Variants in SYNE2 observed in about 807,000 individuals in gnomAD.
SYNE2 encodes spectrin repeat containing nuclear envelope protein 2.
A neutral mutation model predicts 856.3 loss-of-function variants in SYNE2; 431 were observed. That is an observed-to-expected ratio of 0.50 (90% CI 0.47 to 0.55). The LOEUF (loss-of-function observed/expected upper bound fraction) is 0.55. Ranked by LOEUF, SYNE2 falls within the 20% of genes least tolerant of loss-of-function variation. The pLI, the probability that SYNE2 is intolerant of heterozygous loss-of-function variation, is 0.00. For synonymous variants in SYNE2, 2,923 were observed against 2,872.3 expected (o/e 1.02, Z -0.56); for missense variants, 8,129 against 8,023.2 (o/e 1.01, Z -0.50).
At chr14:63,954,995 T>C in intron 8 of SYNE2, 80 bp downstream of exon 8, 1 of 1,171,566 alleles carries the variant, frequency 8.5e-7, no homozygotes, top group Non-Finnish European at 1.3e-6. Context: ...TATACATGAA[T>C]AAACATAGTG....
At chr14:63,773,631 A>G (rs1887003476) in intron 1 of SYNE2, among the ~76,000 whole-genome samples, 1 of 152,182 alleles carries the variant, frequency 6.6e-6, no homozygotes, top group Non-Finnish European at 1.5e-5. Context: ...GTGCAATCAT[A>G]CCATGCTATA....
upstream of SYNE2, among the ~76,000 whole-genome samples, chr14:63,850,946 G>C (rs1890388644): frequency 6.6e-6 from 1 of 152,186 alleles, no homozygotes; most frequent in Non-Finnish European, 1.5e-5. Context: ...ATAGAACCGA[G>C]AAGAGAAAAA....
chr14:63,994,735 T>A (rs2096699049), intron 22 of SYNE2, among the ~76,000 whole-genome samples: 1 of 152,226 alleles, frequency 6.6e-6, no homozygotes, highest in Non-Finnish European at 1.5e-5. Flanking sequence ...ATACATTACA[T>A]TTACTTATGT....
At chr14:63,790,326 A>C (rs1384795960) in intron 1 of SYNE2, among the ~76,000 whole-genome samples, 2 of 151,762 alleles carry the variant, frequency 1.3e-5, no homozygotes, top group African/African-American at 4.8e-5. Context: ...ACAGAGCAAG[A>C]CCCTGTCTCA....
intron 10 of SYNE2, among the ~76,000 whole-genome samples, chr14:63,966,143 C>T (rs2096387705): frequency 6.6e-6 from 1 of 152,000 alleles, no homozygotes; most frequent in African/African-American, 2.4e-5. Context: ...CAGAGGTTGG[C>T]CCATTTTGTG....
intron 18 of SYNE2, among the ~76,000 whole-genome samples, chr14:63,984,328 G>A (rs1270720871): frequency 6.6e-6 from 1 of 152,198 alleles, no homozygotes; most frequent in Non-Finnish European, 1.5e-5. Context: ...CATTTCCTAG[G>A]AAAATGCTTA....
chr14:63,783,350 T>A (rs1283288215), intron 1 of SYNE2, among the ~76,000 whole-genome samples: 1 of 152,140 alleles, frequency 6.6e-6, no homozygotes, highest in African/African-American at 2.4e-5. Context: ...TCAATCCCTT[T>A]ATAAATTACC....
chr14:64,172,182 C>A (rs555579553), intron 94 of SYNE2, among the ~76,000 whole-genome samples: 1 of 152,266 alleles, frequency 6.6e-6, no homozygotes, highest in East Asian at 1.9e-4. Flanking sequence ...CTGGCTGTTC[C>A]TGATTGTAGG....
chr14:64,128,636 C>T (rs1178710198), intron 74 of SYNE2, 83 bp downstream of exon 74: 7 of 849,930 alleles, frequency 8.2e-6, no homozygotes, highest in African/African-American at 1.7e-5. Flanking sequence ...AACTACTTTC[C>T]TTTGTGAGCA....
chr14:63,965,332 G>A (rs529343074), intron 10 of SYNE2, among the ~76,000 whole-genome samples: 2 of 152,212 alleles, frequency 1.3e-5, no homozygotes, highest in African/African-American at 4.8e-5. Flanking sequence ...ATCTTGCTGA[G>A]CTTGGTATTA....
At position 64,168,911 on chromosome 14, in the gene SYNE2, T is replaced by G. The variant is rs199903950; in HGVS notation, c.16940T>G (p.Ile5647Ser). The G allele has an allele frequency of 9.9e-6, 16 of 1,614,098 alleles. No homozygotes were observed. The highest frequency in any genetic ancestry group is 1.4e-5 in the Non-Finnish European group (16 of 1,179,982). ...LEAEVSINQT[I>S]ADSYVTQSLQ... ...GCTGAAGTTTCTATAAACCAGACAATTGCTGATTCCTATGTCACCCAGTCC... is the reference window on the plus strand; with the variant it reads ...GCTGAAGTTTCTATAAACCAGACAAGTGCTGATTCCTATGTCACCCAGTCC... The change falls in exon 93 of 116, where the codon ATT becomes AGT. Residue 5647 changes from isoleucine to serine, a missense_variant. Coordinates refer to ENST00000555002, the MANE Select transcript of SYNE2 (RefSeq NM_182914.3).
At chr14:64,202,353 C>T (rs2098576821) in intron 99 of SYNE2, 7 of 698,894 alleles carry the variant, frequency 1.0e-5, no homozygotes, top group South Asian at 3.0e-5. Flanking sequence ...GTGAACCAGG[C>T]GTGTAACATC....
chr14:64,220,307 G>A (rs1397655654), intron 110 of SYNE2, 130 bp from the exon 111 acceptor site: 9 of 1,021,250 alleles, frequency 8.8e-6, no homozygotes, highest in East Asian at 2.6e-5. Flanking sequence ...AGTCCCAGGC[G>A]AGGTCACTCT....
At chr14:64,005,967 A>C (rs2096792918) in intron 30 of SYNE2, among the ~76,000 whole-genome samples, 1 of 152,226 alleles carries the variant, frequency 6.6e-6, no homozygotes, top group South Asian at 2.1e-4. Flanking sequence ...GAAAATCAAG[A>C]GACTTCTGGG....
At chr14:64,219,096 GTTTTTTTGTTTTT>G in intron 109 of SYNE2, 99 bp from the exon 110 acceptor site, 19 of 758,460 alleles carry the variant, frequency 2.5e-5, no homozygotes, top group Non-Finnish European at 3.7e-5. Flanking sequence ...ATCCCCTACA[GTTTTTTTGTTTTT>G]TTTTTTTTTT....
intron 6 of SYNE2, among the ~76,000 whole-genome samples, chr14:63,947,624 T>C (rs2096057200): frequency 6.6e-6 from 1 of 151,600 alleles, no homozygotes; most frequent in Non-Finnish European, 1.5e-5. Context: ...CCACCTGAGG[T>C]TGGGAGTTCG....
intron 50 of SYNE2, 110 bp downstream of exon 50, chr14:64,063,005 G>A (rs1312549323): frequency 7.9e-7 from 1 of 1,258,180 alleles, no homozygotes; most frequent in East Asian, 2.4e-5. Context: ...AATCTTCACA[G>A]TGAGTTAAAT....
intron 84 of SYNE2, among the ~76,000 whole-genome samples, chr14:64,147,719 A>T (rs1322508771): frequency 6.6e-6 from 1 of 152,208 alleles, no homozygotes; most frequent in Non-Finnish European, 1.5e-5. Flanking sequence ...TCTTTAGCAC[A>T]CCAACCACCG....
chr14:64,225,366 T>G lies in SYNE2; in HGVS notation c.20564T>G (p.Val6855Gly), dbSNP rs962687858. The change falls in exon 116 of 116, where the codon GTC becomes GGC. Residue 6855 changes from valine (V) to glycine (G), a missense_variant. Val to Gly is a moderately radical substitution (Grantham distance 109). This residue lies in a region of SYNE2 where 5,410 missense variants were observed against 5,284.8 expected (regional missense o/e 1.02). Coordinates refer to ENST00000555002, the MANE Select transcript of SYNE2 (RefSeq NM_182914.3). ...CAGCGCTCCTTCCTCTCAAGGGTGG[T>G]CCGGGCAGCCCTACCCCTGCAGCTG... ...RPQRSFLSRV[V>G]RAALPLQLLL... 16 of 1,614,116 alleles carry G rather than the reference T, an allele frequency of 9.9e-6. No individual in the cohort carries two copies. The highest frequency in any genetic ancestry group is 1.4e-5 in the Non-Finnish European group (16 of 1,180,016).
Sources: gnomAD v4.1 joint callset for allele counts (sites outside exome capture counted in the v4.1 genomes callset) on GRCh38, gnomAD v4.1.1 for gene constraint, gnomAD v4.1.1 regional missense constraint, MANE v1.5 for transcripts, NCBI Gene and HGNC (gene_info 2026-07-23, HGNC 2026-07-21) for gene names.